The following SAMD12 variants were observed in gnomAD, a reference collection of about 807,000 sequenced individuals.
SAMD12 encodes sterile alpha motif domain-containing protein 12.
In SAMD12, 9 loss-of-function variants were observed where a neutral mutation model predicts 15.0. The ratio of observed to expected loss-of-function variants is 0.60; its 90% CI spans 0.36 to 1.05. The LOEUF (loss-of-function observed/expected upper bound fraction) is 1.05. SAMD12 is among the 50% of genes least tolerant of loss of function. SAMD12 has a pLI of 0.01. For missense variants in SAMD12, 230 were observed against 234.2 expected, an observed-to-expected ratio of 0.98 and a Z score of 0.12; for synonymous variants, 86 against 90.1, an observed-to-expected ratio of 0.96 and a Z score of 0.25.
chr8:118,594,620 G>A (rs1391582666), intron 1 of SAMD12, among the ~76,000 whole-genome samples: 1 of 152,074 alleles, frequency 6.6e-6, no homozygotes. Flanking sequence ...TTACCTCCAA[G>A]CCAAGAAAAT....
intron 2 of SAMD12, among the ~76,000 whole-genome samples, chr8:118,549,865 G>A (rs1826267546): frequency 6.6e-6 from 1 of 152,124 alleles, no homozygotes; most frequent in Non-Finnish European, 1.5e-5. Context: ...CAAGGCTCCA[G>A]AACTACATGA....
At chr8:118,388,025 G>A (rs546251278) in intron 3 of SAMD12, among the ~76,000 whole-genome samples, 2 of 152,092 alleles carry the variant, frequency 1.3e-5, no homozygotes, top group Non-Finnish European at 2.9e-5. Flanking sequence ...CTGCCAGAGG[G>A]ACAAACATAG....
chr8:118,289,091 T>C (rs1486734651), intron 4 of SAMD12, among the ~76,000 whole-genome samples: 2 of 152,192 alleles, frequency 1.3e-5, no homozygotes, highest in Non-Finnish European at 2.9e-5. Context: ...CATCCATCAA[T>C]TCATCTTCTT....
chr8:118,355,625 C>T (rs1463767734), intron 4 of SAMD12, among the ~76,000 whole-genome samples: 10 of 151,908 alleles, frequency 6.6e-5, no homozygotes, highest in Non-Finnish European at 1.5e-5. Flanking sequence ...TCTTCCAGTC[C>T]CAGAAAAAAC....
chr8:118,189,400 A>G (rs548949320), downstream of SAMD12: 96 of 152,346 alleles, frequency 6.3e-4, no homozygotes, highest in African/African-American at 2.3e-3. Flanking sequence ...AGAAAATAGA[A>G]AAGTTTAATG....
At chr8:118,240,823 G>A (rs964102558) in intron 4 of SAMD12, among the ~76,000 whole-genome samples, 1 of 152,132 alleles carries the variant, frequency 6.6e-6, no homozygotes, top group African/African-American at 2.4e-5. Flanking sequence ...TGCCCGTGGT[G>A]CTGAAGGACA....
At chr8:118,179,076 G>A in the SAMD12 span, among the ~76,000 whole-genome samples, 1 of 152,156 alleles carries the variant, frequency 6.6e-6, no homozygotes, top group Non-Finnish European at 1.5e-5. Flanking sequence ...GGCTGGCAAT[G>A]GATGCAAGCA....
downstream of SAMD12, among the ~76,000 whole-genome samples, chr8:118,186,929 C>T (rs534559308): frequency 6.6e-6 from 1 of 152,254 alleles, no homozygotes; most frequent in South Asian, 2.1e-4. Context: ...GTAACTCATA[C>T]CCACATCTCC....
chr8:118,479,038 T>C (rs1465875615), intron 2 of SAMD12, among the ~76,000 whole-genome samples: 2 of 150,516 alleles, frequency 1.3e-5, no homozygotes, highest in Non-Finnish European at 2.9e-5. Context: ...TGTAATTCTT[T>C]TGCACAAAAC....
chr8:118,450,233 C>T (rs1823038804), intron 2 of SAMD12, among the ~76,000 whole-genome samples: 1 of 152,202 alleles, frequency 6.6e-6, no homozygotes, highest in Admixed American at 6.5e-5. Flanking sequence ...ACAATAAAAA[C>T]TCATAGAGGG....
chr8:118,236,135 C>A (rs1812424413), intron 4 of SAMD12, among the ~76,000 whole-genome samples: 1 of 152,176 alleles, frequency 6.6e-6, no homozygotes, highest in South Asian at 2.1e-4. Context: ...CTTGTGACTA[C>A]TTCAGCCCTT....
chr8:118,274,568 A>G (rs1157747856), intron 4 of SAMD12, among the ~76,000 whole-genome samples: 1 of 152,118 alleles, frequency 6.6e-6, no homozygotes, highest in Admixed American at 6.5e-5. Flanking sequence ...CATCCCTCCC[A>G]TGCTCTCCTC....
chr8:118,466,802 GA>G (rs11293592), intron 2 of SAMD12, among the ~76,000 whole-genome samples: 105,427 of 151,622 alleles, frequency 0.7, 36,812 homozygotes, highest in Middle Eastern at 0.75. Context: ...GGGAGAGAGA[GA>G]AAAAAAAATA....
intron 2 of SAMD12, among the ~76,000 whole-genome samples, chr8:118,571,440 C>T (rs1827007625): frequency 6.6e-6 from 1 of 152,186 alleles, no homozygotes; most frequent in African/African-American, 2.4e-5. Context: ...ATTTGCATAA[C>T]TAACGAGGAA....
At chr8:118,423,971 T>C (rs1450726089) in intron 3 of SAMD12, among the ~76,000 whole-genome samples, 1 of 152,236 alleles carries the variant, frequency 6.6e-6, no homozygotes, top group Non-Finnish European at 1.5e-5. Flanking sequence ...ATCTTCTGAA[T>C]TCTTTCTACC....
the SAMD12 span, among the ~76,000 whole-genome samples, chr8:118,177,015 G>A: frequency 6.6e-6 from 1 of 152,164 alleles, no homozygotes; most frequent in Non-Finnish European, 1.5e-5. Flanking sequence ...AAACAGTTAC[G>A]TGGTGATGCA....
the SAMD12 span, among the ~76,000 whole-genome samples, chr8:118,160,418 T>G: frequency 1.3e-5 from 2 of 152,210 alleles, no homozygotes; most frequent in African/African-American, 4.8e-5. Context: ...AAAACAAAAT[T>G]TATACTATCT....
rs550098936 is a variant in SAMD12 at position 118,333,861 on chromosome 8, T to G, written c.433+45699A>C. ...CCCGTTGGCGGGGGGCGGGGGTATG[T>G]CTGTGTGTGTGTGTGTGCGTTGGTG... On this transcript the variant is annotated intron_variant, in intron 4 of 4. Coordinates refer to the SAMD12 transcript ENST00000409003. Among the ~76,000 whole-genome samples, 11 of 150,768 alleles carry G rather than the reference T, an allele frequency of 7.3e-5. No individual in the cohort carries two copies. In the South Asian group the frequency reaches 2.3e-3, roughly 32 times the overall value.
intron 2 of SAMD12, among the ~76,000 whole-genome samples, chr8:118,502,252 T>A (rs1358960481): frequency 1.3e-5 from 2 of 152,198 alleles, no homozygotes; most frequent in African/African-American, 4.8e-5. Context: ...GTTCAATATA[T>A]AAATAGAAAT....
Sources: gnomAD v4.1 joint callset for allele counts (sites outside exome capture counted in the v4.1 genomes callset) on GRCh38, gnomAD v4.1.1 for gene constraint, MANE v1.5 for transcripts, NCBI Gene and HGNC (gene_info 2026-07-23, HGNC 2026-07-21) for gene names.